The following COL21A1 variants were observed in gnomAD, a reference collection of about 807,000 sequenced individuals.
COL21A1 encodes collagen alpha-1(XXI) chain.
A neutral mutation model predicts 137.9 loss-of-function variants in COL21A1; 149 were observed. The ratio of observed to expected loss-of-function variants is 1.08; its 90% CI spans 0.95 to 1.24. COL21A1 has a LOEUF of 1.24. Among genes scored for constraint, COL21A1 ranks in the 50% most tolerant of loss-of-function variants. The probability of loss-of-function intolerance (pLI) is 0.00; values close to 1 mark genes in which losing one functional copy is unlikely to be tolerated. For missense variants in COL21A1, 1,167 were observed against 1,158.4 expected (o/e 1.01, Z -0.11); for synonymous variants, 456 against 391.5 (o/e 1.16, Z -1.95).
At chr6:56,328,384 A>G (rs1286929603) in intron 1 of COL21A1, among the ~76,000 whole-genome samples, 1 of 152,112 alleles carries the variant, frequency 6.6e-6, no homozygotes, top group Non-Finnish European at 1.5e-5. Flanking sequence ...TGTCTCTTCA[A>G]TTGCCATTGG....
chr6:56,059,169 G>C lies in COL21A1; in HGVS notation c.2682C>G (p.Pro894=), dbSNP rs185079637. Residue 894 remains proline, a synonymous_variant, in exon 29 of 30, where the codon CCC becomes CCG. Transcript: ENST00000244728. Reference sequence around the variant, plus strand: ...TGAGCAGGTAGCAATTCTCACCTGGGGGACCAGGAGGACCTTGTTCTCCAG... The same window carrying C: ...TGAGCAGGTAGCAATTCTCACCTGGCGGACCAGGAGGACCTTGTTCTCCAG... ...GYPGEQGPPG[P]PGPEGPPGIS... is the part of the protein sequence containing the mutation. 1.2e-6 allele frequency: 2 copies of C among 1,611,606 alleles called. No homozygotes were observed. The highest frequency in any genetic ancestry group is 1.7e-6 in the Non-Finnish European group (2 of 1,178,796).
chr6:56,219,992 A>G (rs1408020249), intron 1 of COL21A1, among the ~76,000 whole-genome samples: 1 of 152,130 alleles, frequency 6.6e-6, no homozygotes, highest in African/African-American at 2.4e-5. Flanking sequence ...TCTTCAGAAA[A>G]AGAGTTTTTA....
chr6:56,157,035 C>A, intron 9 of COL21A1, 86 bp from the exon 10 acceptor site: 10 of 830,218 alleles, frequency 1.2e-5, no homozygotes, highest in South Asian at 5.5e-5. Context: ...AAAACCAATT[C>A]CATTATTTGA....
intron 1 of COL21A1, among the ~76,000 whole-genome samples, chr6:56,376,428 G>A (rs2093999371): frequency 6.7e-6 from 1 of 149,214 alleles, no homozygotes; most frequent in Admixed American, 6.6e-5. Flanking sequence ...TAACCAGAGT[G>A]GTAACAAGGT....
At chr6:56,240,593 A>G (rs987608054) in intron 1 of COL21A1, among the ~76,000 whole-genome samples, 6 of 152,234 alleles carry the variant, frequency 3.9e-5, no homozygotes, top group Admixed American at 1.3e-4. Context: ...TAAACTCTAT[A>G]TAGAGATGCT....
chr6:56,189,297 A>T (rs1778506539), intron 1 of COL21A1, among the ~76,000 whole-genome samples: 1 of 152,030 alleles, frequency 6.6e-6, no homozygotes, highest in African/African-American at 2.4e-5. Flanking sequence ...GCTGAAAAAC[A>T]CAGCACGAGA....
chr6:56,201,694 ATAAGT>A (rs1325615707), intron 1 of COL21A1, among the ~76,000 whole-genome samples: 5 of 152,198 alleles, frequency 3.3e-5, no homozygotes, highest in Admixed American at 6.5e-5. Flanking sequence ...GCTATGAGAA[ATAAGT>A]TAAAGTATGG....
At chr6:56,074,694 G>A (rs752311253) in intron 19 of COL21A1, among the ~76,000 whole-genome samples, 15 of 151,252 alleles carry the variant, frequency 9.9e-5, no homozygotes, top group South Asian at 2.1e-4. Flanking sequence ...TATTTTAAAA[G>A]AGTTACATTC....
At chr6:56,195,443 G>T (rs1257756885) in intron 1 of COL21A1, among the ~76,000 whole-genome samples, 1 of 151,938 alleles carries the variant, frequency 6.6e-6, no homozygotes, top group Non-Finnish European at 1.5e-5. Flanking sequence ...CAAATGTGGT[G>T]GGGGAGGGAA....
At chr6:56,378,083 G>A (rs1007992771) in intron 1 of COL21A1, among the ~76,000 whole-genome samples, 7 of 152,188 alleles carry the variant, frequency 4.6e-5, no homozygotes, top group Non-Finnish European at 7.3e-5. Context: ...CAGGTACTAC[G>A]TGGAGGGCCA....
At chr6:56,381,431 C>T (rs2094008537) in intron 1 of COL21A1, among the ~76,000 whole-genome samples, 1 of 152,144 alleles carries the variant, frequency 6.6e-6, no homozygotes, top group South Asian at 2.1e-4. Context: ...GGTAGAGAGG[C>T]AAAGAGAGAT....
Position 56,059,999 on chromosome 6 carries a change from G to A in COL21A1, c.2608+19C>T, listed in dbSNP as rs537692351. 8 of 1,554,964 alleles carry A rather than the reference G, an allele frequency of 5.1e-6. No homozygotes were observed. The highest frequency in any genetic ancestry group is 1.4e-5 in the African/African-American group (1 of 71,910). On this transcript the variant is annotated intron_variant, in intron 28 of 29. Coordinates refer to ENST00000244728, the MANE Select transcript of COL21A1 (RefSeq NM_030820.4). ...AAGACTTTTTAAAATTCATTTTCTT[G>A]TTGAAACTAACTGCATACCTTTTAA...
chr6:56,269,465 C>G (rs1007516291), intron 1 of COL21A1, among the ~76,000 whole-genome samples: 31 of 151,722 alleles, frequency 2.0e-4, no homozygotes, highest in Admixed American at 1.0e-3. Context: ...ACCATCCCGG[C>G]TAAAACGGTG....
chr6:56,123,088 C>T (rs1772693422), intron 16 of COL21A1, among the ~76,000 whole-genome samples: 1 of 152,338 alleles, frequency 6.6e-6, no homozygotes, highest in African/African-American at 2.4e-5. Context: ...AGTCTGTGTT[C>T]TCTCACATAG....
intron 1 of COL21A1, among the ~76,000 whole-genome samples, chr6:56,232,448 T>C (rs1379980661): frequency 6.6e-6 from 1 of 151,924 alleles, no homozygotes; most frequent in Non-Finnish European, 1.5e-5. Flanking sequence ...AGGGGTTATG[T>C]TGTATAAACT....
At chr6:56,098,028 T>C (rs1265892317) in intron 17 of COL21A1, among the ~76,000 whole-genome samples, 17 of 62,008 alleles carry the variant, frequency 2.7e-4, no homozygotes, top group Non-Finnish European at 3.4e-4. Flanking sequence ...TATAAATATA[T>C]ATGTAAATAT....
At chr6:56,268,512 C>T (rs1374485348) in intron 1 of COL21A1, among the ~76,000 whole-genome samples, 2 of 152,212 alleles carry the variant, frequency 1.3e-5, no homozygotes, top group Non-Finnish European at 1.5e-5. Flanking sequence ...ACAACTCAAA[C>T]CACCACACCA....
At chr6:56,120,941 G>A (rs73461324) in intron 16 of COL21A1, among the ~76,000 whole-genome samples, 1,560 of 152,208 alleles carry the variant, frequency 0.01, 23 homozygotes, top group African/African-American at 0.035. Flanking sequence ...ACTTACAATG[G>A]CTAAGATTTG....
intron 22 of COL21A1, among the ~76,000 whole-genome samples, chr6:56,068,068 A>G (rs1420703840): frequency 3.3e-5 from 5 of 151,682 alleles, no homozygotes; most frequent in Non-Finnish European, 7.4e-5. Flanking sequence ...AATTCTCTTC[A>G]TCCCAAACAT....
Sources: gnomAD v4.1 joint callset for allele counts (sites outside exome capture counted in the v4.1 genomes callset) on GRCh38, gnomAD v4.1.1 for gene constraint, MANE v1.5 for transcripts, NCBI Gene and HGNC (gene_info 2026-07-23, HGNC 2026-07-21) for gene names.